DPP10: variants seen among roughly 807,000 people sequenced by gnomAD.
DPP10 encodes the protein dipeptidyl peptidase like 10.
In DPP10, 33 loss-of-function variants were observed where a neutral mutation model predicts 120.9. The observed-to-expected ratio is 0.27, with a 90% confidence interval of 0.21 to 0.37. The LOEUF (loss-of-function observed/expected upper bound fraction) is 0.37, where lower values mean the gene tolerates loss of function less well. Among genes scored for constraint, DPP10 ranks in the 10% least tolerant of loss-of-function variants. DPP10 has a pLI of 1.00. For synonymous variants in DPP10, 337 were observed against 326.1 expected, an observed-to-expected ratio of 1.03 and a Z score of -0.36; for missense variants, 816 against 942.8, an observed-to-expected ratio of 0.87 and a Z score of 1.76.
chr2:114,473,026 T>C (rs1680056384), intron 1 of DPP10, among the ~76,000 whole-genome samples: 1 of 152,152 alleles, frequency 6.6e-6, no homozygotes, highest in African/African-American at 2.4e-5. Context: ...AGACTGTTCT[T>C]GGGAATAGCA....
intron 1 of DPP10, among the ~76,000 whole-genome samples, chr2:114,505,740 C>T (rs1389766768): frequency 6.6e-6 from 1 of 152,194 alleles, no homozygotes; most frequent in East Asian, 1.9e-4. Flanking sequence ...GCCCCACACC[C>T]TGTTCTCTCT....
intron 1 of DPP10, among the ~76,000 whole-genome samples, chr2:115,091,624 C>T (rs1439989942): frequency 6.6e-6 from 1 of 152,110 alleles, no homozygotes; most frequent in Non-Finnish European, 1.5e-5. Flanking sequence ...TTTTCATTGG[C>T]CGTCCGTCCT....
chr2:114,568,934 A>G lies in DPP10; in HGVS notation c.60+126096A>G, dbSNP rs183139682. The stretch of plus-strand genomic sequence containing the variant: ...AAAGCTACAATTTATTATTTAATAC[A>G]TAAATAGAATTTATGTGTTTTTAAT... On this transcript the variant is annotated intron_variant, in intron 1 of 25. Transcript: ENST00000410059. Among the ~76,000 whole-genome samples the G allele has an allele frequency of 3.7e-4, 57 of 152,348 alleles. No homozygotes were observed. In the East Asian group the frequency reaches 6.0e-3, roughly 16 times the overall value.
intron 1 of DPP10, among the ~76,000 whole-genome samples, chr2:114,869,973 T>C (rs2106559063): frequency 6.6e-6 from 1 of 152,276 alleles, no homozygotes; most frequent in South Asian, 2.1e-4. Flanking sequence ...TTGAACCCTG[T>C]AAAATGATCA....
chr2:115,407,694 C>T (rs1490511076), intron 3 of DPP10, among the ~76,000 whole-genome samples: 1 of 151,942 alleles, frequency 6.6e-6, no homozygotes, highest in Non-Finnish European at 1.5e-5. Flanking sequence ...ATACTTTTAC[C>T]TTTTTGCCAG....
chr2:114,969,106 T>A (rs999395623), intron 1 of DPP10, among the ~76,000 whole-genome samples: 14 of 152,206 alleles, frequency 9.2e-5, no homozygotes, highest in African/African-American at 3.4e-4. Context: ...TATTTATTGT[T>A]GGTAGATTAA....
chr2:115,752,408 A>T (rs1459857167), intron 10 of DPP10, among the ~76,000 whole-genome samples: 6 of 152,188 alleles, frequency 3.9e-5, no homozygotes, highest in Non-Finnish European at 8.8e-5. Flanking sequence ...TAAACTTTCC[A>T]ATCACCAGTT....
chr2:115,645,852 A>G (rs1471832815), intron 5 of DPP10, among the ~76,000 whole-genome samples: 2 of 152,164 alleles, frequency 1.3e-5, no homozygotes, highest in Admixed American at 1.3e-4. Flanking sequence ...CTGTCTTCCT[A>G]TATAAAACAT....
chr2:115,400,574 C>T (rs747501061), intron 3 of DPP10, among the ~76,000 whole-genome samples: 11 of 152,028 alleles, frequency 7.2e-5, no homozygotes, highest in Admixed American at 1.3e-4. Flanking sequence ...AGTCCAGATG[C>T]TTCCTGACTT....
At chr2:115,605,359 C>G (rs2083635882) in intron 5 of DPP10, among the ~76,000 whole-genome samples, 1 of 152,074 alleles carries the variant, frequency 6.6e-6, no homozygotes, top group African/African-American at 2.4e-5. Context: ...AAATTTTAAA[C>G]TCTTATCACC....
intron 1 of DPP10, among the ~76,000 whole-genome samples, chr2:114,779,368 C>T (rs1558733296): frequency 1.3e-5 from 2 of 152,092 alleles, no homozygotes; most frequent in Non-Finnish European, 2.9e-5. Context: ...TTCAGTATGG[C>T]TTTTATTATT....
intron 21 of DPP10, among the ~76,000 whole-genome samples, chr2:115,823,194 T>C (rs1687981237): frequency 6.6e-6 from 1 of 152,126 alleles, no homozygotes; most frequent in African/African-American, 2.4e-5. Context: ...GAATTTTATC[T>C]ATGGGGATTC....
chr2:115,674,819 T>C (rs1314831264), intron 5 of DPP10, among the ~76,000 whole-genome samples: 1 of 152,302 alleles, frequency 6.6e-6, no homozygotes, highest in East Asian at 1.9e-4. Context: ...TTACCTTTGC[T>C]ATGGAAGAAA....
rs114054886 is a variant in DPP10 at position 115,595,124 on chromosome 2, G to C, written c.441+69152G>C. On this transcript the variant is annotated intron_variant, in intron 5 of 25. Transcript: ENST00000410059. Reference sequence around the variant, plus strand: ...CAAATATGTAAGATTTTAAACATCTGATGTCAAAAATTAGGCAAATATTTT... The same window carrying C: ...CAAATATGTAAGATTTTAAACATCTCATGTCAAAAATTAGGCAAATATTTT... Among the ~76,000 whole-genome samples the C allele has an allele frequency of 4.6e-3, 703 of 152,226 alleles. 2 individuals carry two copies. Among genetic ancestry groups the C allele is most frequent in the Non-Finnish European group, 8.1e-3 (551 of 67,970 alleles).
chr2:115,788,008 A>G (rs2149897047), intron 17 of DPP10, among the ~76,000 whole-genome samples: 1 of 152,292 alleles, frequency 6.6e-6, no homozygotes, highest in East Asian at 1.9e-4. Context: ...TTCTCACTTA[A>G]AAATGAAGAC....
At chr2:114,620,657 TA>T (rs1301614462) in intron 1 of DPP10, among the ~76,000 whole-genome samples, 2 of 152,100 alleles carry the variant, frequency 1.3e-5, no homozygotes, top group Middle Eastern at 3.2e-3. Flanking sequence ...GTATTTGTTT[TA>T]AAGAGTATAT....
chr2:114,718,215 C>T (rs900522030), intron 1 of DPP10, among the ~76,000 whole-genome samples: 1 of 151,662 alleles, frequency 6.6e-6, no homozygotes, highest in Non-Finnish European at 1.5e-5. Context: ...TATATATCTC[C>T]AGTCCTATAG....
chr2:115,747,048 G>A (rs1156631375), intron 10 of DPP10, among the ~76,000 whole-genome samples: 1 of 152,128 alleles, frequency 6.6e-6, no homozygotes, highest in East Asian at 1.9e-4. Flanking sequence ...CACAGAGAGT[G>A]CAGCCTGATG....
chr2:114,468,396 G>GAAAAAAAAAA (rs1209236895), intron 1 of DPP10, among the ~76,000 whole-genome samples: 2 of 23,998 alleles, frequency 8.3e-5, no homozygotes, highest in Non-Finnish European at 1.6e-4. Context: ...GGCTTACAAT[G>GAAAAAAAAAA]CAAAAAAAAA....
Sources: allele counts gnomAD v4.1 joint callset (sites outside exome capture counted in the v4.1 genomes callset), GRCh38; gene constraint gnomAD v4.1.1; transcripts MANE v1.5; gene names NCBI Gene and HGNC (gene_info 2026-07-23, HGNC 2026-07-21).